The following SNTG2 variants were observed in gnomAD, a reference collection of about 807,000 sequenced individuals.
The protein encoded by SNTG2 is syntrophin gamma 2.
Under a neutral mutation model 70.9 loss-of-function variants are expected in SNTG2, and 74 were observed. That is an observed-to-expected ratio of 1.04 (90% CI 0.86 to 1.27). SNTG2 has a LOEUF of 1.27. SNTG2 is among the 50% of genes most tolerant of loss of function. SNTG2 has a pLI of 0.00. For synonymous variants in SNTG2, 278 were observed against 273.8 expected (o/e 1.02, Z -0.15); for missense variants, 717 against 690.7 (o/e 1.04, Z -0.43).
chr2:1,238,369 G>A (rs148552990), intron 10 of SNTG2, among the ~76,000 whole-genome samples: 62 of 152,190 alleles, frequency 4.1e-4, no homozygotes, highest in Non-Finnish European at 2.4e-4. Context: ...CATTGATACA[G>A]TGTGACATTT....
intron 16 of SNTG2, among the ~76,000 whole-genome samples, chr2:1,362,650 A>G (rs1287552445): frequency 9.2e-5 from 12 of 129,854 alleles, no homozygotes; most frequent in Admixed American, 2.3e-4. Context: ...CTTCCATGAA[A>G]GTCACCAACG....
chr2:1,178,991 G>A (rs1438685716), intron 8 of SNTG2, among the ~76,000 whole-genome samples: 13 of 151,886 alleles, frequency 8.6e-5, no homozygotes. Flanking sequence ...TCCTGTTATT[G>A]GTCTATTCAG....
At chr2:1,034,344 C>T (rs780083205) in intron 1 of SNTG2, among the ~76,000 whole-genome samples, 2 of 152,184 alleles carry the variant, frequency 1.3e-5, no homozygotes, top group Non-Finnish European at 2.9e-5. Flanking sequence ...TTTTCTTTAT[C>T]CAATCTACCA....
chr2:1,126,292 C>G (rs1435249540), intron 4 of SNTG2, among the ~76,000 whole-genome samples: 1 of 152,152 alleles, frequency 6.6e-6, no homozygotes, highest in Admixed American at 6.5e-5. Context: ...ACAGGTTCAC[C>G]CACTCTGCCA....
At chr2:1,207,460 C>T (rs1214562852) in intron 8 of SNTG2, among the ~76,000 whole-genome samples, 1 of 152,162 alleles carries the variant, frequency 6.6e-6, no homozygotes, top group Non-Finnish European at 1.5e-5. Flanking sequence ...ATGGCGATGC[C>T]GCCTCTTCTG....
At chr2:1,249,056 C>T (rs1301169159) in intron 12 of SNTG2, among the ~76,000 whole-genome samples, 4 of 152,162 alleles carry the variant, frequency 2.6e-5, no homozygotes, top group East Asian at 1.9e-4. Context: ...CTGATTGCAG[C>T]GTCACAAAGT....
chr2:1,361,505 A>G (rs1661144148), intron 16 of SNTG2, among the ~76,000 whole-genome samples: 1 of 152,266 alleles, frequency 6.6e-6, no homozygotes. Flanking sequence ...GCAAACAAAG[A>G]GTGTTTAAAA....
intron 8 of SNTG2, among the ~76,000 whole-genome samples, chr2:1,197,935 TAGAC>T (rs200948419): frequency 0.08 from 10,054 of 125,060 alleles, 447 homozygotes; most frequent in East Asian, 0.27. Flanking sequence ...TTCTCAGCAT[TAGAC>T]AGATTATCTA....
intron 2 of SNTG2, among the ~76,000 whole-genome samples, chr2:1,086,553 T>A (rs938021017): frequency 6.6e-6 from 1 of 152,188 alleles, no homozygotes; most frequent in African/African-American, 2.4e-5. Context: ...ATGTTTCAGA[T>A]TTGGAGGTTC....
chr2:1,197,449 A>G (rs992506106), intron 8 of SNTG2, among the ~76,000 whole-genome samples: 4 of 148,526 alleles, frequency 2.7e-5, no homozygotes, highest in African/African-American at 7.7e-5. Flanking sequence ...CATGCACCCA[A>G]TTTCAGAGCA....
chr2:1,166,966 C>T (rs1670749368), intron 7 of SNTG2, among the ~76,000 whole-genome samples: 1 of 152,202 alleles, frequency 6.6e-6, no homozygotes, highest in Non-Finnish European at 1.5e-5. Flanking sequence ...TCTGGCTCTC[C>T]ATCCATCTTC....
At chr2:1,321,982 A>C (rs1180399675) in intron 16 of SNTG2, among the ~76,000 whole-genome samples, 1 of 135,414 alleles carries the variant, frequency 7.4e-6, no homozygotes, top group Non-Finnish European at 1.6e-5. Flanking sequence ...TTCTCTTTCC[A>C]TTTTTAAAAT....
intron 16 of SNTG2, among the ~76,000 whole-genome samples, chr2:1,342,499 C>T (rs1660170115): frequency 3.4e-5 from 1 of 29,130 alleles, no homozygotes; most frequent in Non-Finnish European, 6.2e-5. Flanking sequence ...GCACGCCTGG[C>T]CCAGCTCTGT....
intron 1 of SNTG2, among the ~76,000 whole-genome samples, chr2:1,062,860 G>T (rs1018600141): frequency 7.2e-5 from 11 of 152,248 alleles, no homozygotes; most frequent in Admixed American, 4.6e-4. Context: ...AAATATGTGT[G>T]TGTGCATACA....
At chr2:1,022,624 A>T (rs1157966758) in intron 1 of SNTG2, among the ~76,000 whole-genome samples, 1 of 152,010 alleles carries the variant, frequency 6.6e-6, no homozygotes, top group Non-Finnish European at 1.5e-5. Flanking sequence ...TGTATCCTCG[A>T]GTATTCCTGT....
intron 1 of SNTG2, among the ~76,000 whole-genome samples, chr2:978,063 C>G (rs752087256): frequency 3.9e-4 from 59 of 152,158 alleles, no homozygotes; most frequent in Admixed American, 1.1e-3. Flanking sequence ...GTGTGTGACC[C>G]CATTGAAGCA....
At chr2:1,313,286 A>G (rs1388083411) in intron 15 of SNTG2, among the ~76,000 whole-genome samples, 1 of 152,210 alleles carries the variant, frequency 6.6e-6, no homozygotes, top group African/African-American at 2.4e-5. Flanking sequence ...CTATGGAAAA[A>G]TGTTTTCTGT....
chr2:1,061,508 G>A (rs1237790285), intron 1 of SNTG2, among the ~76,000 whole-genome samples: 1 of 152,174 alleles, frequency 6.6e-6, no homozygotes, highest in African/African-American at 2.4e-5. Context: ...CTTATTGAAC[G>A]TTGTTAAAGT....
intron 8 of SNTG2, among the ~76,000 whole-genome samples, chr2:1,194,338 C>T (rs1331171337): frequency 6.6e-6 from 1 of 152,120 alleles, no homozygotes; most frequent in Non-Finnish European, 1.5e-5. Context: ...TACAAACTCC[C>T]AGCAATGTCC....
Sources: gnomAD v4.1 joint callset for allele counts (sites outside exome capture counted in the v4.1 genomes callset) on GRCh38, gnomAD v4.1.1 for gene constraint, MANE v1.5 for transcripts, NCBI Gene and HGNC (gene_info 2026-07-23, HGNC 2026-07-21) for gene names.